ITGA6: variants seen among roughly 807,000 people sequenced by gnomAD.
ITGA6 encodes integrin alpha-6.
ITGA6 carries 63 observed loss-of-function variants against 133.6 expected under a neutral mutation model. That is an observed-to-expected ratio of 0.47 (90% CI 0.38 to 0.58). The LOEUF is 0.58. Ranked by LOEUF, ITGA6 falls within the 20% of genes least tolerant of loss-of-function variation. ITGA6 has a pLI of 0.00. For missense variants in ITGA6, 1,068 were observed against 1,309.4 expected, an observed-to-expected ratio of 0.82 and a Z score of 2.85; for synonymous variants, 434 against 482.0, an observed-to-expected ratio of 0.90 and a Z score of 1.30.
intron 11 of ITGA6, 119 bp from the exon 12 acceptor site, chr2:172,484,663 G>A (rs946565473): frequency 1.2e-5 from 10 of 834,816 alleles, no homozygotes; most frequent in Non-Finnish European, 1.8e-5. Context: ...CAGGAAATAT[G>A]AAGAGAAACA....
chr2:172,449,942 AAG>A (rs1462329446), intron 1 of ITGA6, among the ~76,000 whole-genome samples: 16 of 147,254 alleles, frequency 1.1e-4, no homozygotes, highest in African/African-American at 2.3e-4. Flanking sequence ...AAAAAAAAAA[AAG>A]AGAGAGAAGA....
chr2:172,474,038 A>G lies in ITGA6; in HGVS notation c.776-17A>G. ...TATGGATTGATGTGAGGGGCTCTAT[A>G]TATTTTGTTTTTCTAGGTTTTTCTT... On this transcript the variant is annotated splice_polypyrimidine_tract_variant and intron_variant, in intron 5 of 25. Coordinates refer to ENST00000684293, the MANE Select transcript of ITGA6 (RefSeq NM_000210.4). 1 of 1,563,212 alleles carries G rather than the reference A, an allele frequency of 6.4e-7. No homozygotes were observed. The highest frequency in any genetic ancestry group is 8.8e-7 in the Non-Finnish European group (1 of 1,135,550).
chr2:172,464,717 T>C (rs574814082), intron 1 of ITGA6: 3 of 152,392 alleles, frequency 2.0e-5, no homozygotes, highest in Admixed American at 1.3e-4. Flanking sequence ...ATAAAAACAC[T>C]CGGCTGGGGA....
At position 172,504,261 on chromosome 2, in the gene ITGA6, T is replaced by C. The variant is rs755583353; in HGVS notation, c.*193T>C. ...ATGAAAGCTACTCATAGCGGGGGCCTAAAAAAAAAAAGCTTCACAGTACCC... is the reference window on the plus strand; with the variant it reads ...ATGAAAGCTACTCATAGCGGGGGCCCAAAAAAAAAAAGCTTCACAGTACCC... On this transcript the variant is annotated 3_prime_UTR_variant, in exon 26 of 26. Transcript: ENST00000684293. The C allele has an allele frequency of 9.0e-5, 109 of 1,214,808 alleles. No homozygotes were observed. Among genetic ancestry groups the C allele is most frequent in the Non-Finnish European group, 1.2e-4 (106 of 900,426 alleles). The allele number at this position is 1,214,808 out of a possible 1,614,324, so 75.3% of individuals were successfully genotyped here. A position where few individuals can be genotyped will look rare whatever the true frequency, so the allele number is the denominator to read the frequency against.
intron 1 of ITGA6, among the ~76,000 whole-genome samples, chr2:172,429,796 A>G (rs1244639001): frequency 6.6e-6 from 1 of 152,202 alleles, no homozygotes; most frequent in Non-Finnish European, 1.5e-5. Context: ...CCTAGAGTCC[A>G]AAGGCAGTGA....
At chr2:172,476,350 C>T (rs1288262221) in intron 8 of ITGA6, 45 bp from the exon 9 acceptor site, 4 of 1,003,360 alleles carry the variant, frequency 4.0e-6, no homozygotes, top group South Asian at 2.5e-5. Flanking sequence ...TTAAGAAGCT[C>T]ATGGTGATAA....
intron 1 of ITGA6, among the ~76,000 whole-genome samples, chr2:172,450,907 A>AT (rs1164635699): frequency 1.4e-5 from 2 of 145,796 alleles, no homozygotes; most frequent in African/African-American, 5.1e-5. Flanking sequence ...ATATATTTAT[A>AT]TTATATATAA....
intron 1 of ITGA6, among the ~76,000 whole-genome samples, chr2:172,445,942 T>A (rs1455522516): frequency 6.6e-6 from 1 of 152,258 alleles, no homozygotes; most frequent in African/African-American, 2.4e-5. Context: ...TTGTCACACG[T>A]CCTATTCAGC....
At chr2:172,429,852 C>T (rs138712744) in intron 1 of ITGA6, among the ~76,000 whole-genome samples, 40 of 152,318 alleles carry the variant, frequency 2.6e-4, no homozygotes, top group African/African-American at 9.4e-4. Flanking sequence ...CTGCCCACCT[C>T]CATGCTTTTG....
At chr2:172,447,197 C>T (rs542832267) in intron 1 of ITGA6, among the ~76,000 whole-genome samples, 7 of 151,952 alleles carry the variant, frequency 4.6e-5, no homozygotes, top group African/African-American at 1.4e-4. Context: ...CACGCCTAGC[C>T]AAATTTTATT....
At chr2:172,488,587 G>A (rs1389343315) in intron 19 of ITGA6, among the ~76,000 whole-genome samples, 1 of 152,214 alleles carries the variant, frequency 6.6e-6, no homozygotes, top group Admixed American at 6.5e-5. Context: ...GTATATGCCT[G>A]TAGGAAAGGC....
intron 1 of ITGA6, among the ~76,000 whole-genome samples, chr2:172,449,036 G>GTGAA (rs1178751216): frequency 4.6e-5 from 7 of 152,180 alleles, no homozygotes; most frequent in African/African-American, 7.2e-5. Flanking sequence ...GCAGGAAAAT[G>GTGAA]TGAGCACAGG....
At chr2:172,501,737 C>A in intron 24 of ITGA6, 35 bp from the exon 25 acceptor site, 1 of 1,606,388 alleles carries the variant, frequency 6.2e-7, no homozygotes, top group Non-Finnish European at 8.5e-7. Flanking sequence ...ATACACAAAA[C>A]TGTAAAATTG....
At chr2:172,480,476 GC>G (rs1446485914) in intron 11 of ITGA6, among the ~76,000 whole-genome samples, 1 of 152,000 alleles carries the variant, frequency 6.6e-6, no homozygotes, top group Non-Finnish European at 1.5e-5. Flanking sequence ...CAGAGTCACT[GC>G]CAGGCTGCCT....
In ITGA6 at chr2:172,428,132, C is replaced by G. The variant is rs1356344678; in HGVS notation, c.182+162C>G. On this transcript the variant is annotated intron_variant, in intron 1 of 25. Transcript: ENST00000684293. Reference sequence around the variant, plus strand: ...AGCGCCCAGCGCGCTCGGCTCCCCGCCCTGACCCGCCCCGCGCGGCGCCTC... The same window carrying G: ...AGCGCCCAGCGCGCTCGGCTCCCCGGCCTGACCCGCCCCGCGCGGCGCCTC... 1.5e-5 allele frequency: 7 copies of G among 462,668 alleles called. No homozygotes were observed. The Admixed American group carries it at 3.5e-4, about 23-fold the overall frequency. The allele number at this position is 462,668 out of a possible 1,614,324, so 28.7% of individuals were successfully genotyped here. A position where few individuals can be genotyped will look rare whatever the true frequency, so the allele number is the denominator to read the frequency against.
intron 20 of ITGA6, 127 bp from the exon 21 acceptor site, chr2:172,490,897 A>C: frequency 1.4e-6 from 1 of 706,430 alleles, no homozygotes; most frequent in Non-Finnish European, 2.6e-6. Flanking sequence ...TGCCTTTGGC[A>C]GGAGAGAGGC....
At chr2:172,447,675 A>AGGT (rs1205552806) in intron 1 of ITGA6, among the ~76,000 whole-genome samples, 2 of 151,964 alleles carry the variant, frequency 1.3e-5, no homozygotes, top group African/African-American at 4.8e-5. Context: ...TTATGTTGGG[A>AGGT]GGTAAGAAGC....
chr2:172,482,007 AG>A (rs937598837), intron 11 of ITGA6, among the ~76,000 whole-genome samples: 3 of 152,310 alleles, frequency 2.0e-5, no homozygotes, highest in South Asian at 2.1e-4. Flanking sequence ...CCAGAGAAAA[AG>A]GGGAAACATT....
rs950293998 is a variant in ITGA6 at position 172,474,910 on chromosome 2, C to G, written c.987-19C>G. 1.5e-6 allele frequency: 2 copies of G among 1,298,578 alleles called. No individual in the cohort carries two copies. Among genetic ancestry groups the G allele is most frequent in the South Asian group, 2.4e-5 (2 of 84,660 alleles). The allele number at this position is 1,298,578 out of a possible 1,614,324, so 80.4% of individuals were successfully genotyped here. On this transcript the variant is annotated intron_variant, in intron 6 of 25. Coordinates refer to ENST00000684293, the MANE Select transcript of ITGA6 (RefSeq NM_000210.4). ...GTTAGCTGTTGGTTCACGGCTCTTTCCCCTCATTATGTTTTTAGGTGGCAA... is the reference window on the plus strand; with the variant it reads ...GTTAGCTGTTGGTTCACGGCTCTTTGCCCTCATTATGTTTTTAGGTGGCAA...
Sources: gnomAD v4.1 joint callset for allele counts (sites outside exome capture counted in the v4.1 genomes callset) on GRCh38, gnomAD v4.1.1 for gene constraint, MANE v1.5 for transcripts, NCBI Gene and HGNC (gene_info 2026-07-23, HGNC 2026-07-21) for gene names.